HSF2BP: variants seen among roughly 807,000 people sequenced by gnomAD.
The protein encoded by HSF2BP is heat shock factor 2-binding protein.
Under a neutral mutation model 35.0 loss-of-function variants are expected in HSF2BP, and 35 were observed. The ratio of observed to expected loss-of-function variants is 1.00; its 90% CI spans 0.76 to 1.32. HSF2BP has a LOEUF of 1.32. Among genes scored for constraint, HSF2BP ranks in the 40% most tolerant of loss-of-function variants. The probability of loss-of-function intolerance (pLI) is 0.00; values close to 1 mark genes in which losing one functional copy is unlikely to be tolerated. For missense variants in HSF2BP, 326 were observed against 321.7 expected (o/e 1.01, Z -0.10); for synonymous variants, 114 against 117.4 (o/e 0.97, Z 0.18).
chr21:43,633,130 A>C (rs7277539), intron 5 of HSF2BP, 142 bp downstream of exon 5: 9 of 795,410 alleles, frequency 1.1e-5, no homozygotes, highest in Non-Finnish European at 1.7e-5. Flanking sequence ...ATATACGATA[A>C]GTATTCAATA....
At chr21:43,602,338 C>T (rs990562733) in intron 7 of HSF2BP, among the ~76,000 whole-genome samples, 1 of 152,204 alleles carries the variant, frequency 6.6e-6, no homozygotes, top group African/African-American at 2.4e-5. Context: ...CTTTGGAAAA[C>T]GGGAGCTTGT....
chr21:43,656,856 C>G (rs1375091328), intron 2 of HSF2BP, 119 bp from the exon 3 acceptor site: 5 of 774,774 alleles, frequency 6.5e-6, no homozygotes, highest in Non-Finnish European at 1.1e-5. Flanking sequence ...AATCATGTCT[C>G]TACCTACTGT....
intron 7 of HSF2BP, among the ~76,000 whole-genome samples, chr21:43,604,681 CACACACACACT>C (rs2082104806): frequency 9.1e-6 from 1 of 110,196 alleles, no homozygotes; most frequent in Admixed American, 1.0e-4. Flanking sequence ...CACCACACAC[CACACACACACT>C]ACACACTGCA....
At chr21:43,614,607 T>G (rs954533683) in intron 6 of HSF2BP, among the ~76,000 whole-genome samples, 2 of 152,164 alleles carry the variant, frequency 1.3e-5, no homozygotes, top group Non-Finnish European at 2.9e-5. Context: ...GGACTGAGGA[T>G]GTGAAAATTC....
chr21:43,582,391 G>C (rs1477268122), intron 8 of HSF2BP, among the ~76,000 whole-genome samples: 1 of 150,600 alleles, frequency 6.6e-6, no homozygotes, highest in Non-Finnish European at 1.5e-5. Context: ...CCTGGTGAGG[G>C]GGATGAGGGC....
chr21:43,592,250 G>T lies in HSF2BP; in HGVS notation c.771C>A (p.Ile257=). 6.2e-7 allele frequency: 1 copy of T among 1,613,584 alleles called. No individual in the cohort carries two copies. The highest frequency in any genetic ancestry group is 8.5e-7 in the Non-Finnish European group (1 of 1,179,578). Residue 257 remains isoleucine, a synonymous_variant, in exon 8 of 9, where the codon ATC becomes ATA. Coordinates refer to ENST00000291560, the MANE Select transcript of HSF2BP (RefSeq NM_007031.2). ...LKYISESPGF[I]PLLWWLLSDP... ...CACTCAAAAGCCACCACAGCAAAGG[G>T]ATGAATCCTGGACTCTCGCTGATGT...
At chr21:43,459,496 G>A in the HSF2BP span, among the ~76,000 whole-genome samples, 2 of 101,620 alleles carry the variant, frequency 2.0e-5, 1 homozygote, top group East Asian at 8.1e-4. Flanking sequence ...TTCATGTCAG[G>A]CACACCCTTA....
intron 7 of HSF2BP, among the ~76,000 whole-genome samples, chr21:43,596,024 T>A (rs1345449223): frequency 1.3e-5 from 2 of 152,060 alleles, no homozygotes; most frequent in Non-Finnish European, 2.9e-5. Context: ...CCGGCAAGGC[T>A]AAATATTTCA....
intron 4 of HSF2BP, among the ~76,000 whole-genome samples, chr21:43,636,273 A>AAAAGAAAAGAAAAGAAAAG (rs1568932529): frequency 6.8e-6 from 1 of 146,688 alleles, no homozygotes; most frequent in Non-Finnish European, 1.5e-5. Context: ...GAAAAGAAAA[A>AAAAGAAAAGAAAAGAAAAG]ACGAAGGGGA....
In HSF2BP at chr21:43,616,507, G is replaced by A. The variant is rs146262139; in HGVS notation, c.575-2560C>T. On this transcript the variant is annotated intron_variant, in intron 6 of 8. Coordinates refer to ENST00000291560, the MANE Select transcript of HSF2BP (RefSeq NM_007031.2). ...AAAAATACGAAATTAGCCAGGCGTCGTGGCTTACACCCGTAATCCTAGTTA... is the reference window on the plus strand; with the variant it reads ...AAAAATACGAAATTAGCCAGGCGTCATGGCTTACACCCGTAATCCTAGTTA... Among the ~76,000 whole-genome samples, 69 of 152,288 alleles carry A rather than the reference G, an allele frequency of 4.5e-4. No individual in the cohort carries two copies. The Middle Eastern group carries it at 0.01, about 23-fold the overall frequency.
intron 6 of HSF2BP, among the ~76,000 whole-genome samples, chr21:43,625,823 AAC>A (rs1256460510): frequency 6.6e-6 from 1 of 152,140 alleles, no homozygotes; most frequent in African/African-American, 2.4e-5. Flanking sequence ...AACCACCACA[AAC>A]ACAGGAAAAC....
intron 8 of HSF2BP, among the ~76,000 whole-genome samples, chr21:43,580,689 C>T (rs1293738446): frequency 6.6e-6 from 1 of 152,198 alleles, no homozygotes; most frequent in Non-Finnish European, 1.5e-5. Flanking sequence ...ACTGGGCTAA[C>T]GCAAAACTAT....
At chr21:43,605,481 ACACC>A (rs538727951) in intron 7 of HSF2BP, among the ~76,000 whole-genome samples, 60 of 128,668 alleles carry the variant, frequency 4.7e-4, no homozygotes, top group Middle Eastern at 4.1e-3. Context: ...CCCACACGCC[ACACC>A]CACACACACA....
intron 3 of HSF2BP, among the ~76,000 whole-genome samples, chr21:43,645,201 A>G (rs2082692300): frequency 6.6e-6 from 1 of 152,216 alleles, no homozygotes; most frequent in African/African-American, 2.4e-5. Flanking sequence ...TTCTTTGATT[A>G]AAGTAGCGAT....
intron 4 of HSF2BP, among the ~76,000 whole-genome samples, chr21:43,640,983 T>C (rs1346642863): frequency 2.0e-5 from 3 of 152,170 alleles, no homozygotes; most frequent in African/African-American, 7.2e-5. Context: ...AGCACAAAAC[T>C]CCCAAGATTT....
At chr21:43,583,634 C>T (rs1363537062) in intron 8 of HSF2BP, among the ~76,000 whole-genome samples, 1 of 142,838 alleles carries the variant, frequency 7.0e-6, no homozygotes, top group Non-Finnish European at 1.5e-5. Flanking sequence ...AGATGAAGAC[C>T]TGCTGAGGGA....
At chr21:43,467,964 CCA>C in the HSF2BP span, among the ~76,000 whole-genome samples, 1,198 of 71,906 alleles carry the variant, frequency 0.017, 61 homozygotes, top group African/African-American at 0.061. Flanking sequence ...CACACTTACA[CCA>C]CACACACACC....
intron 3 of HSF2BP, among the ~76,000 whole-genome samples, chr21:43,646,911 T>G (rs180829650): frequency 2.0e-3 from 311 of 152,342 alleles, no homozygotes; most frequent in African/African-American, 7.3e-3. Flanking sequence ...TTGGCCCCAC[T>G]GCATGCATGC....
intron 4 of HSF2BP, among the ~76,000 whole-genome samples, chr21:43,634,192 A>G: frequency 6.6e-6 from 1 of 152,112 alleles, no homozygotes; most frequent in South Asian, 2.1e-4. Context: ...GTCTGAGGTG[A>G]CCTGTAGCTG....
Sources: gnomAD v4.1 joint callset for allele counts (sites outside exome capture counted in the v4.1 genomes callset) on GRCh38, gnomAD v4.1.1 for gene constraint, MANE v1.5 for transcripts, NCBI Gene and HGNC (gene_info 2026-07-23, HGNC 2026-07-21) for gene names.